The following ITPRID2 variants were observed in gnomAD, a reference collection of about 807,000 sequenced individuals.
ITPRID2 encodes the protein ITPR interacting domain containing 2.
ITPRID2 carries 60 observed loss-of-function variants against 124.3 expected under a neutral mutation model. The ratio of observed to expected loss-of-function variants is 0.48; its 90% CI spans 0.39 to 0.60. The LOEUF (loss-of-function observed/expected upper bound fraction) is 0.60, where lower values mean the gene tolerates loss of function less well. ITPRID2 is among the 20% of genes least tolerant of loss of function. The probability of loss-of-function intolerance (pLI) is 0.00; values close to 1 mark genes in which losing one functional copy is unlikely to be tolerated. For missense variants in ITPRID2, 1,553 were observed against 1,512.2 expected (o/e 1.03, Z -0.45); for synonymous variants, 521 against 542.9 (o/e 0.96, Z 0.56).
At chr2:181,926,254 ACT>A (rs563760607) in intron 16 of ITPRID2, among the ~76,000 whole-genome samples, 3 of 152,086 alleles carry the variant, frequency 2.0e-5, no homozygotes, top group Non-Finnish European at 4.4e-5. Context: ...ACACAGCAAG[ACT>A]CTGTCACAAA....
At position 181,905,728 on chromosome 2, in the gene ITPRID2, A is replaced by C. The variant is rs984695395; in HGVS notation, c.1413+3262A>C. On this transcript the variant is annotated intron_variant, in intron 8 of 17. Coordinates refer to ENST00000431877, the MANE Select transcript of ITPRID2 (RefSeq NM_001130445.3). The surrounding 1 kb of genome is among the most constrained non-coding windows in gnomAD (Gnocchi z 4.1). Reference sequence around the variant, plus strand: ...AGTAACTGTTTCTAATCCTGTCTTCATACTAATTATTGATTTAACTAATGT... The same window carrying C: ...AGTAACTGTTTCTAATCCTGTCTTCCTACTAATTATTGATTTAACTAATGT... 1.3e-5 allele frequency among the ~76,000 whole-genome samples: 2 copies of C among 152,196 alleles called. No individual in the cohort carries two copies. Among genetic ancestry groups the C allele is most frequent in the Non-Finnish European group, 2.9e-5 (2 of 68,028 alleles).
Position 181,900,721 on chromosome 2 carries a change from G to T in ITPRID2, c.529G>T (p.Glu177Ter). The T allele has an allele frequency of 1.2e-6, 2 of 1,608,244 alleles. No homozygotes were observed. The highest frequency in any genetic ancestry group is 1.1e-5 in the South Asian group (1 of 89,188). ...SSVSELLELY[E>*]EDPEEILYNL... ...TGTTTCAGAATTGTTGGAACTTTAT[G>T]AGGAAGATCCTGAAGAAATTCTTTA... The change falls in exon 7 of 18, where the codon GAG (glutamate) becomes TAG (stop). Residue 177 changes from glutamate to a stop codon, truncating the protein, a stop_gained. Coordinates refer to ENST00000431877, the MANE Select transcript of ITPRID2 (RefSeq NM_001130445.3). LOFTEE classifies it high-confidence loss of function.
intron 2 of ITPRID2, chr2:181,893,208 T>C (rs1188865817): frequency 1.3e-5 from 2 of 157,920 alleles, no homozygotes; most frequent in African/African-American, 4.8e-5. Flanking sequence ...AATAGAACTT[T>C]TAAAAGCATT....
Position 181,892,940 on chromosome 2 carries a change from A to G in ITPRID2, c.257+280A>G, listed in dbSNP as rs938198521. 9.4e-6 allele frequency: 5 copies of G among 530,526 alleles called. No individual in the cohort carries two copies. Among genetic ancestry groups the G allele is most frequent in the East Asian group, 2.9e-5 (1 of 34,172 alleles). 32.9% of individuals were successfully genotyped at this position (530,526 alleles called of 1,614,324 possible). On this transcript the variant is annotated intron_variant, in intron 2 of 17. Transcript: ENST00000431877. This position sits in a 1 kb window ranked among gnomAD's most constrained non-coding sequence, Gnocchi z 5.2. ...GAAATCCAGAACAGATAATCATGCCATATTTGTTCTGTTTTTATTTGAAAG... is the reference window on the plus strand; with the variant it reads ...GAAATCCAGAACAGATAATCATGCCGTATTTGTTCTGTTTTTATTTGAAAG...
chr2:181,906,647 G>A (rs1693147008), intron 8 of ITPRID2, among the ~76,000 whole-genome samples: 1 of 152,028 alleles, frequency 6.6e-6, no homozygotes. Flanking sequence ...GCTGAGGTGG[G>A]AGAATCACTT....
intron 16 of ITPRID2, among the ~76,000 whole-genome samples, chr2:181,927,742 A>G (rs550968413): frequency 5.9e-5 from 9 of 152,310 alleles, no homozygotes; most frequent in Admixed American, 1.3e-4. Context: ...CCTGTATACT[A>G]TTTTGCCTCT....
rs965677616 is a variant in ITPRID2 at position 181,905,059 on chromosome 2, T to C, written c.1413+2593T>C. 2.0e-5 allele frequency among the ~76,000 whole-genome samples: 3 copies of C among 150,754 alleles called. No individual in the cohort carries two copies. Among genetic ancestry groups the C allele is most frequent in the African/African-American group, 7.3e-5 (3 of 41,076 alleles). On this transcript the variant is annotated intron_variant, in intron 8 of 17. Transcript: ENST00000431877. This position sits in a 1 kb window ranked among gnomAD's most constrained non-coding sequence, Gnocchi z 4.1. ...ATGTTTATAACGATGTTTTTTCTTT[T>C]TTTTTTTTTTTTGAGACGGAGTCGC...
At chr2:181,903,817 A>C (rs1346653262) in intron 8 of ITPRID2, among the ~76,000 whole-genome samples, 1 of 151,878 alleles carries the variant, frequency 6.6e-6, no homozygotes, top group Non-Finnish European at 1.5e-5. Flanking sequence ...GTTCTTTTTC[A>C]CTCTGATAAC....
In ITPRID2 at chr2:181,909,852, T is replaced by C. The variant is rs540846540; in HGVS notation, c.1414-47T>C. 33 of 1,415,848 alleles carry C rather than the reference T, an allele frequency of 2.3e-5. No individual in the cohort carries two copies. The East Asian group carries it at 7.5e-4, about 32-fold the overall frequency. The allele number at this position is 1,415,848 out of a possible 1,614,324, so 87.7% of individuals were successfully genotyped here. A position where few individuals can be genotyped will look rare whatever the true frequency, so the allele number is the denominator to read the frequency against. Reference sequence around the variant, plus strand: ...ATATTTATTCAAGAAGTTATACTTGTTTGCCTTAGATTCATTTGGTTTTAA... The same window carrying C: ...ATATTTATTCAAGAAGTTATACTTGCTTGCCTTAGATTCATTTGGTTTTAA... On this transcript the variant is annotated intron_variant, in intron 8 of 17. Coordinates refer to ENST00000431877, the MANE Select transcript of ITPRID2 (RefSeq NM_001130445.3).
Position 181,902,530 on chromosome 2 carries a change from C to CT in ITPRID2, c.1413+66dup. ...ACTAGGAAAAAAAGTACCAAAAATG[C>CT]TTATAAAATGAGAGGTAGCTAATAG... is the stretch of plus-strand genomic sequence containing the variant. On this transcript the variant is annotated intron_variant, in intron 8 of 17. Coordinates refer to ENST00000431877, the MANE Select transcript of ITPRID2 (RefSeq NM_001130445.3). The surrounding 1 kb of genome is among the most constrained non-coding windows in gnomAD (Gnocchi z 4.4). 8.2e-7 allele frequency: 1 copy of CT among 1,215,574 alleles called. No homozygotes were observed. Among genetic ancestry groups the CT allele is most frequent in the Non-Finnish European group, 1.1e-6 (1 of 877,514 alleles). The allele number at this position is 1,215,574 out of a possible 1,614,324, so 75.3% of individuals were successfully genotyped here.
At chr2:181,911,160 G>C (rs1015517848) in intron 9 of ITPRID2, among the ~76,000 whole-genome samples, 1 of 152,104 alleles carries the variant, frequency 6.6e-6, no homozygotes, top group East Asian at 1.9e-4. Context: ...AAATGGTTCT[G>C]TGTGTCTGTG....
At chr2:181,898,747 G>C in intron 4 of ITPRID2, 133 bp from the exon 5 acceptor site, 2 of 735,530 alleles carry the variant, frequency 2.7e-6, no homozygotes, top group South Asian at 3.4e-5. Flanking sequence ...AGATTTAATG[G>C]ACCAAGATAA....
intron 16 of ITPRID2, among the ~76,000 whole-genome samples, chr2:181,927,087 T>C (rs1694920718): frequency 6.6e-6 from 1 of 152,212 alleles, no homozygotes; most frequent in South Asian, 2.1e-4. Context: ...CTAAGGAGTG[T>C]TTTGTTTCTT....
intron 17 of ITPRID2, 64 bp from the exon 18 acceptor site, chr2:181,929,497 A>T: frequency 8.9e-7 from 1 of 1,128,210 alleles, no homozygotes. Context: ...ATCTTCCTTT[A>T]AAGAAGCTTT....
At position 181,916,313 on chromosome 2, in the gene ITPRID2, T is replaced by C. The variant is rs368103386; in HGVS notation, c.2673T>C (p.His891=). 213 of 1,614,104 alleles carry C rather than the reference T, an allele frequency of 1.3e-4. No homozygotes were observed. Among genetic ancestry groups the C allele is most frequent in the Non-Finnish European group, 1.8e-4 (211 of 1,180,040 alleles). The part of the protein sequence containing the change: ...FASPFGCPYS[H]RHATYPYRVC... ...CCCCTTTCGGGTGTCCTTACTCACA[T>C]AGACATGCCACCTACCCTTACCGAG... Residue 891 remains histidine, a synonymous_variant, in exon 11 of 18, where the codon CAT becomes CAC. Transcript: ENST00000431877.
In ITPRID2 at chr2:181,902,495, C is replaced by T. The variant is rs1398020440; in HGVS notation, c.1413+29C>T. ...GGTAAAAAATTACTGAGACTGGTTT[C>T]AAGTTGCAGACTAGGAAAAAAAGTA... On this transcript the variant is annotated intron_variant, in intron 8 of 17. Coordinates refer to ENST00000431877, the MANE Select transcript of ITPRID2 (RefSeq NM_001130445.3). This position sits in a 1 kb window ranked among gnomAD's most constrained non-coding sequence, Gnocchi z 4.4. 1.4e-6 allele frequency: 2 copies of T among 1,456,038 alleles called. No homozygotes were observed. The highest frequency in any genetic ancestry group is 1.5e-5 in the South Asian group (1 of 66,464). 90.2% of individuals were successfully genotyped at this position (1,456,038 alleles called of 1,614,324 possible).
chr2:181,922,424 CTG>C lies in ITPRID2; in HGVS notation c.3675+16_3675+17del, dbSNP rs1354717450. The C allele has an allele frequency of 1.1e-5, 17 of 1,585,956 alleles. No homozygotes were observed. Among genetic ancestry groups the C allele is most frequent in the Non-Finnish European group, 1.5e-5 (17 of 1,165,372 alleles). On this transcript the variant is annotated intron_variant, in intron 16 of 17. Coordinates refer to ENST00000431877, the MANE Select transcript of ITPRID2 (RefSeq NM_001130445.3). ...AAGTCATACGGGAGGTGGGTAAAATCTGTGTTTCATTCATTTATTTGGAGGTA... is the reference window on the plus strand; with the variant it reads ...AAGTCATACGGGAGGTGGGTAAAATCTGTTTCATTCATTTATTTGGAGGTA...
intron 11 of ITPRID2, chr2:181,917,408 C>A (rs1420570680): frequency 6.6e-6 from 1 of 152,194 alleles, no homozygotes; most frequent in Non-Finnish European, 1.5e-5. Context: ...TAACAGTTTT[C>A]TGTTTAAACA....
chr2:181,927,895 T>C (rs1333720782), intron 16 of ITPRID2, among the ~76,000 whole-genome samples: 4 of 152,244 alleles, frequency 2.6e-5, no homozygotes, highest in Admixed American at 6.5e-5. Flanking sequence ...TTTTAACTTA[T>C]GAAATAACAT....
Sources: allele counts gnomAD v4.1 joint callset (sites outside exome capture counted in the v4.1 genomes callset), GRCh38; gene constraint gnomAD v4.1.1; non-coding constraint Gnocchi (gnomAD v3.1); transcripts MANE v1.5; gene names NCBI Gene and HGNC (gene_info 2026-07-23, HGNC 2026-07-21).